Variants in ULK4 observed in about 807,000 individuals in gnomAD.
ULK4 encodes unc-51 like kinase 4.
ULK4 carries 133 observed loss-of-function variants against 160.6 expected under a neutral mutation model. That is an observed-to-expected ratio of 0.83 (90% CI 0.72 to 0.96). ULK4 has a LOEUF of 0.96. Ranked by LOEUF, ULK4 falls within the 40% of genes least tolerant of loss-of-function variation. The pLI is 0.00. For synonymous variants in ULK4, 534 were observed against 539.8 expected, an observed-to-expected ratio of 0.99 and a Z score of 0.15; for missense variants, 1,580 against 1,499.5, an observed-to-expected ratio of 1.05 and a Z score of -0.89.
intron 35 of ULK4, among the ~76,000 whole-genome samples, chr3:41,250,448 T>G (rs2078725122): frequency 6.6e-6 from 1 of 152,210 alleles, no homozygotes; most frequent in Non-Finnish European, 1.5e-5. Flanking sequence ...CCTTACAAGG[T>G]AAGTATATAT....
At chr3:41,933,694 G>A (rs1171108134) in intron 4 of ULK4, among the ~76,000 whole-genome samples, 2 of 150,020 alleles carry the variant, frequency 1.3e-5, no homozygotes, top group Non-Finnish European at 2.9e-5. Flanking sequence ...TAAGAGTGTT[G>A]GATTTTTTTT....
chr3:41,434,882 T>C (rs1435284183), intron 34 of ULK4, among the ~76,000 whole-genome samples: 1 of 152,208 alleles, frequency 6.6e-6, no homozygotes, highest in African/African-American at 2.4e-5. Flanking sequence ...GTTTAGTACT[T>C]AGTCAATTTA....
chr3:41,848,825 T>C (rs146399259), intron 17 of ULK4, among the ~76,000 whole-genome samples: 23 of 152,340 alleles, frequency 1.5e-4, no homozygotes, highest in African/African-American at 5.3e-4. Flanking sequence ...ATACCCTTTA[T>C]GCCTAAGTTA....
At position 41,288,327 on chromosome 3, in the gene ULK4, C is replaced by A. The variant is rs563413047; in HGVS notation, c.3679-38753G>T. ...AGATGAGCCCCACTAAGCACCAGGG[C>A]AGTTTCTGACCAGTATGAGCTAATC... is the stretch of plus-strand genomic sequence containing the variant. On this transcript the variant is annotated intron_variant, in intron 35 of 36. Coordinates refer to ENST00000301831, the MANE Select transcript of ULK4 (RefSeq NM_017886.4). 3.3e-5 allele frequency among the ~76,000 whole-genome samples: 5 copies of A among 152,282 alleles called. No homozygotes were observed. In the East Asian group the frequency reaches 7.7e-4, roughly 24 times the overall value.
chr3:41,565,379 C>G (rs1376243845), intron 32 of ULK4, among the ~76,000 whole-genome samples: 1 of 152,164 alleles, frequency 6.6e-6, no homozygotes, highest in Non-Finnish European at 1.5e-5. Context: ...CAAATGTTTT[C>G]CCCTCCAAAA....
At chr3:41,530,706 T>C (rs2086277627) in intron 32 of ULK4, among the ~76,000 whole-genome samples, 1 of 152,214 alleles carries the variant, frequency 6.6e-6, no homozygotes, top group Non-Finnish European at 1.5e-5. Context: ...CTGACCAACT[T>C]GAAAAACAAC....
chr3:41,856,559 ATACACATATATATATG>A, intron 17 of ULK4, among the ~76,000 whole-genome samples: 2 of 43,606 alleles, frequency 4.6e-5, no homozygotes, highest in Admixed American at 2.9e-4. Flanking sequence ...GTGTATATAT[ATACACATATATATATG>A]TGTATATATA....
In ULK4 at chr3:41,424,833, A is replaced by G. The variant is rs995469880; in HGVS notation, c.3493-26569T>C. Among the ~76,000 whole-genome samples the G allele has an allele frequency of 9.1e-5, 3 of 33,118 alleles. No individual in the cohort carries two copies. The South Asian group carries it at 2.9e-3, about 32-fold the overall frequency. 21.7% of individuals were successfully genotyped at this position (33,118 alleles called of 152,430 possible). ...ATCTCACAAAGATAAGAAATCATCA[A>G]AAAAAAAAAAAAAAAAAAAAAGGCT... On this transcript the variant is annotated intron_variant, in intron 34 of 36. Coordinates refer to ENST00000301831, the MANE Select transcript of ULK4 (RefSeq NM_017886.4).
intron 15 of ULK4, among the ~76,000 whole-genome samples, chr3:41,896,070 T>G (rs896890598): frequency 2.6e-5 from 4 of 152,086 alleles, no homozygotes; most frequent in African/African-American, 9.7e-5. Flanking sequence ...AAAAGTAATA[T>G]TCCCAGGGGA....
At chr3:41,381,613 T>A (rs1168916244) in intron 35 of ULK4, among the ~76,000 whole-genome samples, 2 of 152,204 alleles carry the variant, frequency 1.3e-5, no homozygotes, top group African/African-American at 4.8e-5. Flanking sequence ...TTCTGTTGGT[T>A]CTGCTTTCAA....
chr3:41,775,795 C>CT (rs1448644189), intron 21 of ULK4, among the ~76,000 whole-genome samples: 1 of 150,760 alleles, frequency 6.6e-6, no homozygotes, highest in Middle Eastern at 3.4e-3. Flanking sequence ...TGCAGCTTGC[C>CT]TTTTTTCACT....
chr3:41,564,172 G>C (rs528755949), intron 32 of ULK4, among the ~76,000 whole-genome samples: 1 of 152,142 alleles, frequency 6.6e-6, no homozygotes, highest in Non-Finnish European at 1.5e-5. Flanking sequence ...GACCCTGTTT[G>C]CCTGGGTATC....
At chr3:41,770,916 G>C (rs1392487686) in intron 21 of ULK4, among the ~76,000 whole-genome samples, 1 of 152,272 alleles carries the variant, frequency 6.6e-6, no homozygotes, top group South Asian at 2.1e-4. Flanking sequence ...AATTTCTAAA[G>C]AAGCCTTTTT....
intron 35 of ULK4, among the ~76,000 whole-genome samples, chr3:41,334,135 A>G (rs1457225940): frequency 2.0e-5 from 3 of 152,088 alleles, no homozygotes; most frequent in Non-Finnish European, 4.4e-5. Context: ...TTCTTCCCCA[A>G]TTGTGTATTA....
intron 22 of ULK4, among the ~76,000 whole-genome samples, chr3:41,735,049 T>C (rs528902501): frequency 2.2e-4 from 34 of 152,234 alleles, no homozygotes; most frequent in African/African-American, 7.7e-4. Flanking sequence ...GGCACAAAGG[T>C]CATGCTAACT....
intron 17 of ULK4, among the ~76,000 whole-genome samples, chr3:41,845,736 T>G (rs948658790): frequency 1.8e-4 from 28 of 152,218 alleles, no homozygotes; most frequent in African/African-American, 6.5e-4. Context: ...ATTATTATTC[T>G]ATATTATTTG....
intron 17 of ULK4, among the ~76,000 whole-genome samples, chr3:41,872,536 A>G (rs1697135182): frequency 6.7e-6 from 1 of 150,278 alleles, no homozygotes; most frequent in African/African-American, 2.5e-5. Flanking sequence ...GCACATCTGC[A>G]GAAGGATAAG....
chr3:41,654,639 G>A (rs1261239334), intron 30 of ULK4, among the ~76,000 whole-genome samples: 2 of 152,148 alleles, frequency 1.3e-5, no homozygotes, highest in African/African-American at 2.4e-5. Flanking sequence ...GATAAAAGAA[G>A]CAAAAACTCA....
chr3:41,657,818 T>TTAAAAAAAAAAAAAAA (rs1491095343), intron 30 of ULK4, among the ~76,000 whole-genome samples: 2 of 99,760 alleles, frequency 2.0e-5, no homozygotes, highest in Admixed American at 2.0e-4. Flanking sequence ...TCCATCTCAT[T>TTAAAAAAAAAAAAAAA]AAAAAAAAAA....
Sources: gnomAD v4.1 joint callset for allele counts (sites outside exome capture counted in the v4.1 genomes callset) on GRCh38, gnomAD v4.1.1 for gene constraint, MANE v1.5 for transcripts, NCBI Gene and HGNC (gene_info 2026-07-23, HGNC 2026-07-21) for gene names.